Variants in MMD2 observed in about 807,000 individuals in gnomAD.
MMD2 encodes the protein monocyte to macrophage differentiation factor 2.
A neutral mutation model predicts 33.5 loss-of-function variants in MMD2; 30 were observed. That is an observed-to-expected ratio of 0.90 (90% CI 0.67 to 1.22). MMD2 has a LOEUF of 1.22. Ranked by LOEUF, MMD2 falls within the 50% of genes most tolerant of loss-of-function variation. MMD2 has a pLI of 0.00. For missense variants in MMD2, 364 were observed against 325.4 expected, an observed-to-expected ratio of 1.12 and a Z score of -0.91; for synonymous variants, 129 against 123.0, an observed-to-expected ratio of 1.05 and a Z score of -0.32.
At chr7:4,934,363 C>G (rs1280118082) in intron 1 of MMD2, among the ~76,000 whole-genome samples, 1 of 152,212 alleles carries the variant, frequency 6.6e-6, no homozygotes, top group Non-Finnish European at 1.5e-5. Flanking sequence ...CTCTGACTCC[C>G]AGAGTGCTGG....
chr7:4,913,246 G>A (rs1224829343), intron 4 of MMD2, among the ~76,000 whole-genome samples: 1 of 152,132 alleles, frequency 6.6e-6, no homozygotes, highest in Non-Finnish European at 1.5e-5. Context: ...AGGAGAAAGG[G>A]TGAGAATTAA....
intron 5 of MMD2, 199 bp from the exon 6 acceptor site, chr7:4,910,149 C>T (rs1452466680): frequency 6.7e-6 from 8 of 1,187,594 alleles, no homozygotes; most frequent in Non-Finnish European, 9.5e-6. Flanking sequence ...TGACCCTGGG[C>T]ACTTTCCCTC....
chr7:4,946,175 G>GCA lies in MMD2; in HGVS notation c.47+12794_47+12795dup, dbSNP rs764804396. Reference sequence around the variant, plus strand: ...CACCCGCGCGCACACCTGCACACATGCACACACACGCGCGCACACCCACAC... The same window carrying GCA: ...CACCCGCGCGCACACCTGCACACATGCACACACACACGCGCGCACACCCACAC... On this transcript the variant is annotated intron_variant, in intron 1 of 6. Transcript: ENST00000401401. The surrounding 1 kb of genome is among the most constrained non-coding windows in gnomAD (Gnocchi z 5.0). 6.8e-6 allele frequency among the ~76,000 whole-genome samples: 1 copy of GCA among 147,580 alleles called. No individual in the cohort carries two copies. Among genetic ancestry groups the GCA allele is most frequent in the East Asian group, 2.0e-4 (1 of 4,990 alleles).
At chr7:4,958,686 G>C (rs887825061) in intron 1 of MMD2, among the ~76,000 whole-genome samples, 1 of 152,200 alleles carries the variant, frequency 6.6e-6, no homozygotes, top group East Asian at 1.9e-4. Context: ...CCCAGGACAC[G>C]GGGACTCGCA....
At chr7:4,939,201 C>CA (rs935518567) in intron 1 of MMD2, among the ~76,000 whole-genome samples, 22 of 145,902 alleles carry the variant, frequency 1.5e-4, no homozygotes, top group South Asian at 4.4e-4. Flanking sequence ...GACTCCGTCT[C>CA]AAAAAAAAAC....
the MMD2 span, among the ~76,000 whole-genome samples, chr7:4,893,724 G>T: frequency 6.6e-6 from 1 of 151,970 alleles, no homozygotes; most frequent in Non-Finnish European, 1.5e-5. Context: ...AACAAGGGGT[G>T]GATTATTCAT....
chr7:4,920,722 C>T (rs1302662419), intron 2 of MMD2, among the ~76,000 whole-genome samples: 1 of 116,992 alleles, frequency 8.5e-6, no homozygotes, highest in Non-Finnish European at 1.7e-5. Context: ...CCCTCCCTTC[C>T]TCCCTTTCTC....
intron 6 of MMD2, 97 bp downstream of exon 6, chr7:4,909,784 A>G (rs1784958479): frequency 2.0e-6 from 3 of 1,512,058 alleles, no homozygotes; most frequent in African/African-American, 2.8e-5. Flanking sequence ...CCCGCCTGCC[A>G]AAGGAGAGGG....
At chr7:4,938,006 T>TTTTTTTTTTTTTTTTTTTTTTTTTTTTTC (rs1785795149) in intron 1 of MMD2, among the ~76,000 whole-genome samples, 1 of 91,368 alleles carries the variant, frequency 1.1e-5, no homozygotes, top group Non-Finnish European at 2.4e-5. Context: ...TTCTTTCTTT[T>TTTTTTTTTTTTTTTTTTTTTTTTTTTTTC]TTTTTTTTTT....
chr7:4,955,666 A>G (rs1786364430), intron 1 of MMD2, among the ~76,000 whole-genome samples: 1 of 152,224 alleles, frequency 6.6e-6, no homozygotes, highest in Admixed American at 6.5e-5. Flanking sequence ...ACTAAAATAT[A>G]TTCTAAAAAT....
intron 6 of MMD2, among the ~76,000 whole-genome samples, chr7:4,908,426 G>A (rs1784920008): frequency 1.3e-5 from 2 of 152,016 alleles, no homozygotes; most frequent in South Asian, 4.2e-4. Flanking sequence ...ATAGGCGGAA[G>A]CCACTGCGCC....
the MMD2 span, among the ~76,000 whole-genome samples, chr7:4,892,525 A>T: frequency 0.65 from 97,973 of 150,364 alleles, 32,852 homozygotes; most frequent in East Asian, 0.8. Flanking sequence ...GAGACAGAGG[A>T]TGCAGTGAGC....
At chr7:4,910,881 G>A (rs1357053344) in intron 5 of MMD2, among the ~76,000 whole-genome samples, 2 of 152,116 alleles carry the variant, frequency 1.3e-5, no homozygotes, top group Admixed American at 6.6e-5. Flanking sequence ...TGCCTGCCTC[G>A]TGGATCACTC....
chr7:4,917,776 G>A (rs2115099772), intron 3 of MMD2, among the ~76,000 whole-genome samples: 1 of 152,122 alleles, frequency 6.6e-6, no homozygotes, highest in African/African-American at 2.4e-5. Flanking sequence ...CTTGTATAGT[G>A]AGCGATAACC....
chr7:4,950,474 G>A (rs540704384), intron 1 of MMD2, among the ~76,000 whole-genome samples: 75 of 152,060 alleles, frequency 4.9e-4, no homozygotes, highest in African/African-American at 1.8e-3. Flanking sequence ...CTGAAACCCT[G>A]TCCCTATTAA....
chr7:4,920,380 G>A, intron 2 of MMD2, 49 bp from the exon 3 acceptor site: 2 of 1,570,710 alleles, frequency 1.3e-6, no homozygotes, highest in Non-Finnish European at 1.7e-6. Flanking sequence ...GGGTGGCTCA[G>A]AGCACACCTC....
downstream of MMD2, among the ~76,000 whole-genome samples, chr7:4,902,564 AGAC>A (rs1784809205): frequency 6.6e-6 from 1 of 152,164 alleles, no homozygotes; most frequent in African/African-American, 2.4e-5. Context: ...ACCCCGGAGG[AGAC>A]CCAGACAGGT....
At position 4,946,984 on chromosome 7, in the gene MMD2, G is replaced by C. The variant is rs556439623; in HGVS notation, c.47+11987C>G. 1.2e-4 allele frequency among the ~76,000 whole-genome samples: 18 copies of C among 152,238 alleles called. No homozygotes were observed. The highest frequency in any genetic ancestry group is 4.1e-4 in the African/African-American group (17 of 41,548). Reference sequence around the variant, plus strand: ...GCACTTTGGGAGACCGAGATGGGCCGATCACCTGAGGTCAGGAGTTCAAGA... The same window carrying C: ...GCACTTTGGGAGACCGAGATGGGCCCATCACCTGAGGTCAGGAGTTCAAGA... On this transcript the variant is annotated intron_variant, in intron 1 of 6. Coordinates refer to ENST00000401401, the MANE Select transcript of MMD2 (RefSeq NM_198403.4). This position sits in a 1 kb window ranked among gnomAD's most constrained non-coding sequence, Gnocchi z 5.0.
intron 3 of MMD2, among the ~76,000 whole-genome samples, chr7:4,918,665 T>A (rs1219879398): frequency 6.6e-6 from 1 of 151,936 alleles, no homozygotes; most frequent in African/African-American, 2.4e-5. Flanking sequence ...TTTTTGTATT[T>A]TTAGGAGAGA....
Sources: gnomAD v4.1 joint callset for allele counts (sites outside exome capture counted in the v4.1 genomes callset) on GRCh38, gnomAD v4.1.1 for gene constraint, Gnocchi (gnomAD v3.1) non-coding constraint, MANE v1.5 for transcripts, NCBI Gene and HGNC (gene_info 2026-07-23, HGNC 2026-07-21) for gene names.